The following MYH7B variants were observed in gnomAD, a reference collection of about 807,000 sequenced individuals.
MYH7B encodes myosin heavy chain 7B.
In MYH7B, 205 loss-of-function variants were observed where a neutral mutation model predicts 234.5. The ratio of observed to expected loss-of-function variants is 0.87; its 90% CI spans 0.78 to 0.98. The LOEUF is 0.98. Among genes scored for constraint, MYH7B ranks in the 50% least tolerant of loss-of-function variants. The pLI is 0.00. For synonymous variants in MYH7B, 1,193 were observed against 1,105.0 expected (o/e 1.08, Z -1.58); for missense variants, 2,652 against 2,633.4 (o/e 1.01, Z -0.15).
At chr20:34,973,658 T>G (rs2081814295) in intron 2 of MYH7B, among the ~76,000 whole-genome samples, 1 of 152,252 alleles carries the variant, frequency 6.6e-6, no homozygotes, top group South Asian at 2.1e-4. Flanking sequence ...CCCTTTTGCA[T>G]GCATCCGCAT....
intron 1 of MYH7B, among the ~76,000 whole-genome samples, chr20:34,957,462 A>G (rs1243470060): frequency 6.7e-6 from 1 of 148,262 alleles, no homozygotes; most frequent in Non-Finnish European, 1.5e-5. Context: ...GGCCCAACCC[A>G]GGGACCAAGA....
chr20:34,991,112 T>TCCGGCAGCGGTGGGTGACCCCTTC, exon 24 of MYH7B: 1 of 1,607,748 alleles, frequency 6.2e-7, no homozygotes. Flanking sequence ...TACACCGACT[T>TCCGGCAGCGGTGGGTGACCCCTTC]CCGGCAGCGG....
Position 34,990,116 on chromosome 20 carries a change from C to G in MYH7B, c.1870C>G (p.Leu624Val), listed in dbSNP as rs772981095. 8.1e-6 allele frequency: 13 copies of G among 1,614,104 alleles called. No individual in the cohort carries two copies. In the Admixed American group the frequency reaches 2.2e-4, roughly 27 times the overall value. The change falls in exon 21 of 45, where the codon CTC becomes GTC. Residue 624 changes from leucine (L) to valine (V), a missense_variant. Physicochemically the swap from Leu to Val is conservative, Grantham distance 32. Coordinates refer to ENST00000262873, the Ensembl canonical transcript of MYH7B. ...GTCACAGAATAGGCTCCTGGCGACT[C>G]TCTATGAGAATTATGCGGGCTCCTG...
chr20:34,981,308 C>G (rs1278802750), intron 9 of MYH7B: 1 of 465,236 alleles, frequency 2.1e-6, no homozygotes, highest in Non-Finnish European at 3.8e-6. Flanking sequence ...CAGCCCCACA[C>G]CTCCTCTCCC....
chr20:34,981,830 C>CCA (rs2147178647), intron 9 of MYH7B: 1 of 141,958 alleles, frequency 7.0e-6, no homozygotes, highest in East Asian at 2.1e-4. Context: ...CCAGCCTGGG[C>CCA]CACAGAATGA....
chr20:34,983,298 C>CTTTTTTTTTTTTTTTTTTTTTCTTTTT (rs57589264), intron 10 of MYH7B, among the ~76,000 whole-genome samples: 1 of 71,664 alleles, frequency 1.4e-5, no homozygotes, highest in East Asian at 6.1e-4. Flanking sequence ...CTTTTCTTTT[C>CTTTTTTTTTTTTTTTTTTTTTCTTTTT]TTTTTTTTTT....
chr20:34,971,913 A>G lies in MYH7B; in HGVS notation c.-221-3487A>G, dbSNP rs945706740. On this transcript the variant is annotated intron_variant, in intron 2 of 44. Transcript: ENST00000262873. ...CCAGCCCACTACCCAGTCCTGCCCCACTCCCCTTTATGCCCCTGGTGGCCC... is the reference window on the plus strand; with the variant it reads ...CCAGCCCACTACCCAGTCCTGCCCCGCTCCCCTTTATGCCCCTGGTGGCCC... Among the ~76,000 whole-genome samples the G allele has an allele frequency of 2.0e-5, 3 of 151,202 alleles. No homozygotes were observed. The East Asian group carries it at 5.8e-4, about 29-fold the overall frequency.
At chr20:34,956,698 A>C (rs116516603) in intron 1 of MYH7B, among the ~76,000 whole-genome samples, 2 of 152,140 alleles carry the variant, frequency 1.3e-5, no homozygotes, top group Admixed American at 6.6e-5. Flanking sequence ...TAGGTAGTGA[A>C]GGAGGTAGGG....
exon 7 of MYH7B, chr20:34,979,724 G>T: frequency 6.2e-7 from 1 of 1,614,224 alleles, no homozygotes; most frequent in Non-Finnish European, 8.5e-7. Flanking sequence ...CTTACTGGAG[G>T]ACATGGCCAT....
In MYH7B at chr20:34,982,490, A is replaced by G. The variant is rs745373593; in HGVS notation, c.559A>G (p.Thr187Ala). 3 of 1,613,854 alleles carry G rather than the reference A, an allele frequency of 1.9e-6. No homozygotes were observed. The Admixed American group carries it at 5.0e-5, about 27-fold the overall frequency. Residue 187 changes from threonine to alanine, a missense_variant, in exon 10 of 45, where the codon ACC (threonine) becomes GCC (alanine). Transcript: ENST00000262873. The stretch of plus-strand genomic sequence containing the variant: ...GTCGGGGGCCGGTAAGACGGTTAAC[A>G]CCAAGCGGGTCATTCAGTACTTTGC...
intron 10 of MYH7B, among the ~76,000 whole-genome samples, chr20:34,982,874 G>A (rs1374033555): frequency 6.6e-6 from 1 of 152,218 alleles, no homozygotes; most frequent in African/African-American, 2.4e-5. Context: ...TAGATGGGCT[G>A]CTTTTACTAA....
At chr20:34,993,039 A>G in intron 24 of MYH7B, 63 bp from the exon 25 acceptor site, 4 of 1,563,186 alleles carry the variant, frequency 2.6e-6, no homozygotes, top group Non-Finnish European at 3.5e-6. Context: ...TGACTTCCCC[A>G]TTCTCAGTGG....
Position 34,987,713 on chromosome 20 carries a change from G to A in MYH7B, c.1266+38G>A, listed in dbSNP as rs766221027. The A allele has an allele frequency of 2.7e-5, 43 of 1,612,260 alleles. No homozygotes were observed. In the Admixed American group the frequency reaches 3.2e-4, roughly 12 times the overall value. ...CAGGCCAAACCCATGGGGGACAGCCGGGCAGGGTCCCCTCCTTGCCAGGTC... is the reference window on the plus strand; with the variant it reads ...CAGGCCAAACCCATGGGGGACAGCCAGGCAGGGTCCCCTCCTTGCCAGGTC... On this transcript the variant is annotated intron_variant, in intron 17 of 44. Coordinates refer to ENST00000262873, the Ensembl canonical transcript of MYH7B.
intron 26 of MYH7B, 82 bp downstream of exon 26, chr20:34,993,552 A>C: frequency 5.3e-5 from 72 of 1,364,248 alleles, no homozygotes; most frequent in Non-Finnish European, 6.5e-5. Flanking sequence ...CAACCCTAAC[A>C]TGCTGCCCTG....
At position 34,994,569 on chromosome 20, in the gene MYH7B, G is replaced by A. The variant is rs541391977; in HGVS notation, c.2700+168G>A. ...CCCAGCCTCACCACCCCAAGGCCTC[G>A]TCTGGCACGTTTCCTGGCACTCTCC... On this transcript the variant is annotated intron_variant, in intron 27 of 44. Transcript: ENST00000262873. 9.2e-5 allele frequency among the ~76,000 whole-genome samples: 14 copies of A among 152,250 alleles called. No homozygotes were observed. The East Asian group carries it at 1.7e-3, about 19-fold the overall frequency.
intron 9 of MYH7B, chr20:34,981,854 GAAAAAAAAAA>G (rs55752676): frequency 0.36 from 23,692 of 66,500 alleles, 2,483 homozygotes; most frequent in Middle Eastern, 0.6. Flanking sequence ...TCCATCTCAC[GAAAAAAAAAA>G]AAAAAAAAAA....
At chr20:34,975,617 G>A (rs909213233) in intron 3 of MYH7B, 118 bp downstream of exon 3, 6 of 632,564 alleles carry the variant, frequency 9.5e-6, no homozygotes, top group African/African-American at 7.3e-5. Flanking sequence ...AATGTCTACC[G>A]AGAGGGGACC....
chr20:34,975,605 G>C, intron 3 of MYH7B, 106 bp downstream of exon 3: 1 of 652,466 alleles, frequency 1.5e-6, no homozygotes, highest in East Asian at 2.8e-5. Context: ...GAAAACAATC[G>C]AAATGTCTAC....
chr20:34,990,446 A>G, intron 22 of MYH7B, 136 bp downstream of exon 22: 1 of 1,005,550 alleles, frequency 9.9e-7, no homozygotes, highest in South Asian at 1.3e-5. Context: ...CTCCACGTGA[A>G]CATCACAGCA....
Sources: gnomAD v4.1 joint callset for allele counts (sites outside exome capture counted in the v4.1 genomes callset) on GRCh38, gnomAD v4.1.1 for gene constraint, MANE v1.5 for transcripts, NCBI Gene and HGNC (gene_info 2026-07-23, HGNC 2026-07-21) for gene names.